The following INPP4B variants were observed in gnomAD, a reference collection of about 807,000 sequenced individuals.
The protein encoded by INPP4B is inositol polyphosphate-4-phosphatase type II B, also known as inositol polyphosphate 4-phosphatase type II.
Under a neutral mutation model 122.5 loss-of-function variants are expected in INPP4B, and 55 were observed. The observed-to-expected ratio is 0.45, with a 90% CI of 0.36 to 0.56. The LOEUF (loss-of-function observed/expected upper bound fraction) is 0.56. INPP4B is among the 20% of genes least tolerant of loss of function. The pLI, the probability that INPP4B is intolerant of heterozygous loss-of-function variation, is 0.00. For missense variants in INPP4B, 1,000 were observed against 1,097.7 expected (o/e 0.91, Z 1.26); for synonymous variants, 403 against 388.7 (o/e 1.04, Z -0.43).
chr4:142,498,729 T>G lies in INPP4B; in HGVS notation c.-190-36003A>C, dbSNP rs895852521. Among the ~76,000 whole-genome samples the G allele has an allele frequency of 2.0e-5, 3 of 152,114 alleles. No individual in the cohort carries two copies. The East Asian group carries it at 5.8e-4, about 29-fold the overall frequency. ...TTGCTTGAGCCCAGGATGGGGAGGT[T>G]GCAGTGAGCTGAGACTGCACCACTG... On this transcript the variant is annotated intron_variant, in intron 2 of 25. Coordinates refer to ENST00000262992, the MANE Select transcript of INPP4B (RefSeq NM_001101669.3).
intron 2 of INPP4B, among the ~76,000 whole-genome samples, chr4:142,466,493 A>T (rs1230268642): frequency 6.6e-6 from 1 of 152,222 alleles, no homozygotes; most frequent in Non-Finnish European, 1.5e-5. Context: ...ATACAAGGCA[A>T]ATAAATGACT....
At position 142,404,890 on chromosome 4, in the gene INPP4B, A is replaced by G. The variant is rs114634284; in HGVS notation, c.255+316T>C. On this transcript the variant is annotated intron_variant, in intron 6 of 25. Transcript: ENST00000262992. ...TTCTATGCTCTATATGAGAATTTAA[A>G]GTGGGAACTTTTTTTTCTATCTTTG... is the stretch of plus-strand genomic sequence containing the variant. Among the ~76,000 whole-genome samples, 1,132 of 152,014 alleles carry G rather than the reference A, an allele frequency of 7.4e-3. 11 individuals are homozygous for G. The highest frequency in any genetic ancestry group is 0.026 in the African/African-American group (1,086 of 41,436).
chr4:142,755,661 G>A (rs912734840), intron 1 of INPP4B, among the ~76,000 whole-genome samples: 18 of 151,886 alleles, frequency 1.2e-4, no homozygotes, highest in African/African-American at 3.4e-4. Context: ...TTTTTAAAAT[G>A]GGCTTTAATT....
chr4:142,721,545 G>A (rs1214298534), intron 2 of INPP4B, among the ~76,000 whole-genome samples: 4 of 152,140 alleles, frequency 2.6e-5, no homozygotes, highest in Non-Finnish European at 4.4e-5. Flanking sequence ...TCATAAGGCC[G>A]GGCGCTGTGG....
chr4:142,395,942 A>G (rs1250282904), intron 7 of INPP4B, among the ~76,000 whole-genome samples: 6 of 152,144 alleles, frequency 3.9e-5, no homozygotes, highest in Non-Finnish European at 5.9e-5. Context: ...TAAAGTCCCA[A>G]TTATGCAAGA....
intron 11 of INPP4B, 118 bp downstream of exon 11, chr4:142,260,374 C>T: frequency 1.4e-6 from 1 of 698,616 alleles, no homozygotes; most frequent in Non-Finnish European, 2.6e-6. Context: ...CTTATGATTT[C>T]CCAGTGTATT....
chr4:142,580,836 T>C (rs146458600), intron 2 of INPP4B, among the ~76,000 whole-genome samples: 5 of 152,180 alleles, frequency 3.3e-5, no homozygotes, highest in African/African-American at 1.2e-4. Flanking sequence ...TTTCAGCTTC[T>C]GTAGTAGATT....
At chr4:142,164,928 A>G (rs1326918615) in intron 16 of INPP4B, among the ~76,000 whole-genome samples, 1 of 151,276 alleles carries the variant, frequency 6.6e-6, no homozygotes, top group Non-Finnish European at 1.5e-5. Context: ...TGGCCTTTTC[A>G]ATTTCTTTTC....
intron 2 of INPP4B, among the ~76,000 whole-genome samples, chr4:142,487,947 G>C (rs1262469080): frequency 6.6e-6 from 1 of 152,032 alleles, no homozygotes; most frequent in East Asian, 1.9e-4. Context: ...TAGGATTTCA[G>C]TACAATGTTG....
At chr4:142,737,383 TG>T (rs1465345559) in intron 1 of INPP4B, among the ~76,000 whole-genome samples, 4 of 152,184 alleles carry the variant, frequency 2.6e-5, no homozygotes, top group Non-Finnish European at 5.9e-5. Flanking sequence ...ATTTAATAAA[TG>T]GTGCTGGGAA....
chr4:142,667,417 T>C (rs1756274834), intron 2 of INPP4B, among the ~76,000 whole-genome samples: 1 of 152,206 alleles, frequency 6.6e-6, no homozygotes, highest in Admixed American at 6.5e-5. Flanking sequence ...ACTCAATAAC[T>C]GTAATGCACT....
At chr4:142,322,559 C>A (rs532321791) in intron 7 of INPP4B, among the ~76,000 whole-genome samples, 12 of 152,052 alleles carry the variant, frequency 7.9e-5, no homozygotes, top group Non-Finnish European at 1.5e-4. Flanking sequence ...CCAGCTTCAA[C>A]GGATTGAAAA....
chr4:142,370,510 C>T (rs889281432), intron 7 of INPP4B, among the ~76,000 whole-genome samples: 7 of 151,946 alleles, frequency 4.6e-5, no homozygotes, highest in African/African-American at 1.7e-4. Flanking sequence ...GTCAAATTGT[C>T]CATCTTTGTA....
intron 1 of INPP4B, among the ~76,000 whole-genome samples, chr4:142,802,208 A>G (rs10023146): frequency 0.035 from 5,273 of 152,280 alleles, 94 homozygotes; most frequent in Middle Eastern, 0.054. Context: ...GCAAATCCCC[A>G]GAGAGTGAAT....
intron 2 of INPP4B, among the ~76,000 whole-genome samples, chr4:142,496,227 CT>C: frequency 6.6e-6 from 1 of 151,532 alleles, no homozygotes; most frequent in Non-Finnish European, 1.5e-5. Context: ...CAATATTGTT[CT>C]TTTTATATAT....
At chr4:142,135,175 C>T (rs1874575) in intron 18 of INPP4B, among the ~76,000 whole-genome samples, 4,353 of 152,234 alleles carry the variant, frequency 0.029, 195 homozygotes, top group African/African-American at 0.099. Context: ...CTTCATTCCA[C>T]AATATTGGGC....
intron 25 of INPP4B, among the ~76,000 whole-genome samples, chr4:142,071,983 C>T (rs1767679354): frequency 6.6e-6 from 1 of 152,154 alleles, no homozygotes; most frequent in Non-Finnish European, 1.5e-5. Flanking sequence ...CATCCCATTA[C>T]TGGGTATATA....
chr4:142,460,866 A>C (rs1816586001), intron 3 of INPP4B, among the ~76,000 whole-genome samples: 1 of 139,892 alleles, frequency 7.1e-6, no homozygotes, highest in Non-Finnish European at 1.6e-5. Context: ...CAAAGACAAA[A>C]TCTCCACATT....
At chr4:142,152,852 A>C (rs1815007677) in intron 17 of INPP4B, among the ~76,000 whole-genome samples, 2 of 152,358 alleles carry the variant, frequency 1.3e-5, no homozygotes, top group South Asian at 4.1e-4. Context: ...CATCTTACTT[A>C]AATGAGATGA....
Sources: allele counts gnomAD v4.1 joint callset (sites outside exome capture counted in the v4.1 genomes callset), GRCh38; gene constraint gnomAD v4.1.1; transcripts MANE v1.5; gene names NCBI Gene and HGNC (gene_info 2026-07-23, HGNC 2026-07-21).